The following PTBP2 variants were observed in gnomAD, a reference collection of about 807,000 sequenced individuals.
PTBP2 encodes polypyrimidine tract-binding protein 2.
A neutral mutation model predicts 61.4 loss-of-function variants in PTBP2; 13 were observed. The observed-to-expected ratio is 0.21, with a 90% confidence interval of 0.14 to 0.34. The LOEUF (loss-of-function observed/expected upper bound fraction) is 0.34, where lower values mean the gene tolerates loss of function less well. Among genes scored for constraint, PTBP2 ranks in the 10% least tolerant of loss-of-function variants. The pLI, the probability that PTBP2 is intolerant of heterozygous loss-of-function variation, is 1.00. For missense variants in PTBP2, 405 were observed against 642.6 expected, an observed-to-expected ratio of 0.63 and a Z score of 4.00; for synonymous variants, 215 against 218.5, an observed-to-expected ratio of 0.98 and a Z score of 0.14.
chr1:96,802,197 C>T lies in PTBP2; in HGVS notation c.905-2603C>T, dbSNP rs559426400. On this transcript the variant is annotated intron_variant, in intron 8 of 13. Transcript: ENST00000674951. ...CTGCACTCCAACCTGAGAGACACAG[C>T]GAGACTCCGTCTCGAAAAAAAAAAA... Among the ~76,000 whole-genome samples, 286 of 117,006 alleles carry T rather than the reference C, an allele frequency of 2.4e-3. 3 individuals are homozygous for T. The highest frequency in any genetic ancestry group is 9.3e-3 in the African/African-American group (280 of 30,168). 76.8% of individuals were successfully genotyped at this position (117,006 alleles called of 152,430 possible). A position where few individuals can be genotyped will look rare whatever the true frequency, so the allele number is the denominator to read the frequency against.
intron 2 of PTBP2, among the ~76,000 whole-genome samples, chr1:96,736,690 T>C (rs1652238895): frequency 6.6e-6 from 1 of 152,138 alleles, no homozygotes. Context: ...TCTTTTTTCC[T>C]TTCCTTTTTT....
chr1:96,756,176 A>G (rs1365700346), intron 3 of PTBP2, among the ~76,000 whole-genome samples: 1 of 152,234 alleles, frequency 6.6e-6, no homozygotes, highest in East Asian at 1.9e-4. Context: ...AGGCAGGCGG[A>G]TCACCTGAGG....
downstream of PTBP2, chr1:96,819,760 T>C (rs1274338259): frequency 6.6e-6 from 1 of 151,592 alleles, no homozygotes; most frequent in African/African-American, 2.4e-5. Context: ...GAGATTGCAG[T>C]GGTTCCAGAT....
chr1:96,744,645 T>A (rs925483265), intron 2 of PTBP2, among the ~76,000 whole-genome samples: 1 of 152,188 alleles, frequency 6.6e-6, no homozygotes, highest in African/African-American at 2.4e-5. Context: ...GAGCATCTTA[T>A]CTTTCTTGTA....
intron 7 of PTBP2, among the ~76,000 whole-genome samples, chr1:96,782,879 A>G (rs916204100): frequency 6.6e-6 from 1 of 151,980 alleles, no homozygotes; most frequent in African/African-American, 2.4e-5. Flanking sequence ...TCTGTGCCTA[A>G]TATCTTTCCT....
intron 3 of PTBP2, among the ~76,000 whole-genome samples, chr1:96,762,420 A>T (rs987635271): frequency 5.9e-4 from 84 of 142,954 alleles, no homozygotes; most frequent in African/African-American, 2.0e-3. Flanking sequence ...TCCCTCCCGG[A>T]TGGGGCAGCT....
In PTBP2 at chr1:96,744,451, A is replaced by T. The variant is rs530240760; in HGVS notation, c.40-6974A>T. Among the ~76,000 whole-genome samples the T allele has an allele frequency of 2.6e-5, 4 of 152,186 alleles. No individual in the cohort carries two copies. In the East Asian group the frequency reaches 7.7e-4, roughly 29 times the overall value. On this transcript the variant is annotated intron_variant, in intron 2 of 13. Coordinates refer to ENST00000674951, the MANE Select transcript of PTBP2 (RefSeq NM_021190.4). ...ATATATACCTGTATTAAAATATGCA[A>T]TAAATGCTATTTTAAAAAATGTCTT...
intron 1 of PTBP2, 147 bp downstream of exon 1, chr1:96,722,019 CT>C: frequency 9.5e-7 from 1 of 1,056,134 alleles, no homozygotes; most frequent in Non-Finnish European, 1.4e-6. Context: ...GCACACACCC[CT>C]CCCTTTGCTT....
rs540688786 is a variant in PTBP2, at chr1:96,759,277, T to G, written c.115+7777T>G. On this transcript the variant is annotated intron_variant, in intron 3 of 13. Transcript: ENST00000674951. ...GTACATTCTAAAATTTATGTGGAAA[T>G]AAAAAGGAGCTAGGACAATTAAAAC... Among the ~76,000 whole-genome samples the G allele has an allele frequency of 2.0e-5, 3 of 152,106 alleles. No individual in the cohort carries two copies. In the South Asian group the frequency reaches 6.2e-4, roughly 31 times the overall value.
intron 3 of PTBP2, among the ~76,000 whole-genome samples, chr1:96,753,418 C>T (rs1557710839): frequency 6.6e-6 from 1 of 152,022 alleles, no homozygotes; most frequent in Non-Finnish European, 1.5e-5. Context: ...AAGGATTCAC[C>T]AGTTAATCTA....
Position 96,721,800 on chromosome 1 carries a change from CCGCTTGTGTGGCT to C in PTBP2, c.-60_-48del. 1 of 1,549,848 alleles carries C rather than the reference CCGCTTGTGTGGCT, an allele frequency of 6.5e-7. No individual in the cohort carries two copies. The highest frequency in any genetic ancestry group is 8.7e-7 in the Non-Finnish European group (1 of 1,145,634). On this transcript the variant is annotated 5_prime_UTR_variant, in exon 1 of 14. Coordinates refer to ENST00000674951, the MANE Select transcript of PTBP2 (RefSeq NM_021190.4). ...TCGGGCCCCAGCCGCCATTTTCTCG[CCGCTTGTGTGGCT>C]CGCTGGCTGCGTGGCTCGGTTCTTG...
At chr1:96,780,555 A>T (rs755930738) in intron 7 of PTBP2, among the ~76,000 whole-genome samples, 5 of 152,058 alleles carry the variant, frequency 3.3e-5, no homozygotes, top group Non-Finnish European at 5.9e-5. Flanking sequence ...ATACCTAGAT[A>T]ATATTTGGCA....
At chr1:96,753,698 TAATG>T (rs1654841290) in intron 3 of PTBP2, among the ~76,000 whole-genome samples, 1 of 152,030 alleles carries the variant, frequency 6.6e-6, no homozygotes, top group African/African-American at 2.4e-5. Context: ...AAGATTGAAA[TAATG>T]AGTGATGGAG....
At chr1:96,727,730 T>A (rs1650782308) in intron 2 of PTBP2, among the ~76,000 whole-genome samples, 1 of 152,198 alleles carries the variant, frequency 6.6e-6, no homozygotes, top group Non-Finnish European at 1.5e-5. Flanking sequence ...AATTTTTTAT[T>A]TGGTTATTTA....
chr1:96,777,328 A>G (rs72976438), intron 5 of PTBP2, among the ~76,000 whole-genome samples: 6,838 of 152,288 alleles, frequency 0.045, 479 homozygotes, highest in African/African-American at 0.15. Flanking sequence ...AATAAATTAC[A>G]TATCATACCT....
chr1:96,727,712 T>G (rs1431656842), intron 2 of PTBP2, among the ~76,000 whole-genome samples: 1 of 152,200 alleles, frequency 6.6e-6, no homozygotes, highest in Non-Finnish European at 1.5e-5. Flanking sequence ...TGTTTATATC[T>G]TTAGCCCAAT....
intron 2 of PTBP2, among the ~76,000 whole-genome samples, chr1:96,748,152 A>G (rs1022084015): frequency 1.3e-5 from 2 of 152,004 alleles, no homozygotes; most frequent in Admixed American, 1.3e-4. Flanking sequence ...TCTTTCTGTC[A>G]TGGTTCCCTA....
rs1649931700 is a variant in PTBP2, at chr1:96,723,500, G to C, written c.9-64G>C. On this transcript the variant is annotated intron_variant, in intron 1 of 13. Transcript: ENST00000674951. ...TGATGGACTATCCTAAAAAGTTTTA[G>C]AGCCAAAGAGTGAGTGATTAGAAGA... is the stretch of plus-strand genomic sequence containing the variant. The C allele has an allele frequency of 2.1e-6, 3 of 1,420,766 alleles. No homozygotes were observed. The African/African-American group carries it at 4.2e-5, about 20-fold the overall frequency. 88.0% of individuals were successfully genotyped at this position (1,420,766 alleles called of 1,614,324 possible). A position where few individuals can be genotyped will look rare whatever the true frequency, so the allele number is the denominator to read the frequency against.
At chr1:96,762,908 G>A (rs897059480) in intron 3 of PTBP2, among the ~76,000 whole-genome samples, 1 of 151,634 alleles carries the variant, frequency 6.6e-6, no homozygotes, top group Non-Finnish European at 1.5e-5. Context: ...ACGGGGTCGC[G>A]GCCGGGTAGA....
Sources: allele counts gnomAD v4.1 joint callset (sites outside exome capture counted in the v4.1 genomes callset), GRCh38; gene constraint gnomAD v4.1.1; transcripts MANE v1.5; gene names NCBI Gene and HGNC (gene_info 2026-07-23, HGNC 2026-07-21).